Variants in LRIT3 observed in about 807,000 individuals in gnomAD.
The protein encoded by LRIT3 is leucine rich repeat, Ig-like and transmembrane domains 3.
A neutral mutation model predicts 22.6 loss-of-function variants in LRIT3; 14 were observed. That is an observed-to-expected ratio of 0.62 (90% CI 0.41 to 0.97). The LOEUF is 0.97. Among genes scored for constraint, LRIT3 ranks in the 50% least tolerant of loss-of-function variants. The probability of loss-of-function intolerance (pLI) is 0.00; values close to 1 mark genes in which losing one functional copy is unlikely to be tolerated. For synonymous variants in LRIT3, 306 were observed against 304.5 expected (o/e 1.01, Z -0.05); for missense variants, 783 against 803.0 (o/e 0.98, Z 0.30).
rs139536875 is a variant in LRIT3, at chr4:109,869,632, T to A, written c.896-13T>A. ...TTTTGTTCCTCACAGACTATACATT[T>A]GTTTTCTTCCAGTAATACAAGAATC... On this transcript the variant is annotated splice_polypyrimidine_tract_variant and intron_variant, in intron 3 of 3. Coordinates refer to ENST00000594814, the MANE Select transcript of LRIT3 (RefSeq NM_198506.5). The A allele has an allele frequency of 3.9e-6, 6 of 1,529,124 alleles. No individual in the cohort carries two copies. In the African/African-American group the frequency reaches 8.3e-5, roughly 21 times the overall value. 94.7% of individuals were successfully genotyped at this position (1,529,124 alleles called of 1,614,324 possible).
rs1251866042 is a variant in LRIT3, at chr4:109,850,422, CCTTT to C, written c.117-1021_117-1018del. Among the ~76,000 whole-genome samples the C allele has an allele frequency of 3.6e-4, 20 of 55,110 alleles. 1 individual carries two copies. The highest frequency in any genetic ancestry group is 8.5e-3 in the Middle Eastern group (1 of 118). 36.2% of individuals were successfully genotyped at this position (55,110 alleles called of 152,430 possible). ...TCCTTCCTTCCTTCCTTCCTTCCTT[CCTTT>C]CTTTCTTTCTTTCTTTCTTTCTTTC... On this transcript the variant is annotated intron_variant, in intron 1 of 3. Transcript: ENST00000594814.
In LRIT3 at chr4:109,864,948, C is replaced by T. The variant is rs559808335; in HGVS notation, c.590-2693C>T. Among the ~76,000 whole-genome samples, 3 of 152,292 alleles carry T rather than the reference C, an allele frequency of 2.0e-5. No homozygotes were observed. In the South Asian group the frequency reaches 6.2e-4, roughly 32 times the overall value. On this transcript the variant is annotated intron_variant, in intron 2 of 3. Coordinates refer to ENST00000594814, the MANE Select transcript of LRIT3 (RefSeq NM_198506.5). ...TTAAAAATAGCACTATTAGGAGAGT[C>T]TAGATCCACAGATTATCTTTAGCAC...
At position 109,869,686 on chromosome 4, in the gene LRIT3, A is replaced by G; in HGVS notation, c.937A>G (p.Met313Val). The G allele has an allele frequency of 6.3e-7, 1 of 1,589,394 alleles. No homozygotes were observed. The highest frequency in any genetic ancestry group is 8.6e-7 in the Non-Finnish European group (1 of 1,167,314). The change falls in exon 4 of 4, where the codon ATG becomes GTG. Residue 313 changes from methionine (M) to valine (V), a missense_variant. Physicochemically the swap from Met to Val is conservative, Grantham distance 21. This residue lies in a region of LRIT3 where 756 missense variants were observed against 753.8 expected (regional missense o/e 1.00). Transcript: ENST00000594814. ...SPEEGVRWSI[M>V]SLTGISSKDA... The stretch of plus-strand genomic sequence containing the variant: ...AGAGGAAGGAGTCAGATGGTCCATA[A>G]TGAGCTTGACAGGCATTTCTTCCAA...
intron 2 of LRIT3, among the ~76,000 whole-genome samples, chr4:109,856,273 C>A (rs1259758191): frequency 6.6e-6 from 1 of 152,162 alleles, no homozygotes; most frequent in East Asian, 1.9e-4. Flanking sequence ...TTCAGGGGGT[C>A]TCCCTACATC....
chr4:109,850,452 T>TTTCC (rs1734214604), intron 1 of LRIT3, among the ~76,000 whole-genome samples: 2 of 126,398 alleles, frequency 1.6e-5, no homozygotes, highest in Non-Finnish European at 3.3e-5. Context: ...TCTTTCTTTC[T>TTTCC]TTCTTTCTTT....
In LRIT3 at chr4:109,868,211, T is replaced by C. The variant is rs561998934; in HGVS notation, c.895+265T>C. On this transcript the variant is annotated intron_variant, in intron 3 of 3. Transcript: ENST00000594814. The stretch of plus-strand genomic sequence containing the variant: ...ATGGATCAATGGCAGACAAGGTCTT[T>C]GTCTTGCTTCATCAACTTGGATACA... Among the ~76,000 whole-genome samples, 3 of 152,330 alleles carry C rather than the reference T, an allele frequency of 2.0e-5. No individual in the cohort carries two copies. The East Asian group carries it at 5.8e-4, about 29-fold the overall frequency.
rs1734789496 is a variant in LRIT3 at position 109,870,090 on chromosome 4, T to C, written c.1341T>C (p.Gly447=). Residue 447 remains glycine (G), a synonymous_variant, in exon 4 of 4, where the codon GGT becomes GGC. Coordinates refer to ENST00000594814, the MANE Select transcript of LRIT3 (RefSeq NM_198506.5). ...ANKRSFQLHQ[G]GKRNLKVAKN... Reference sequence around the variant, plus strand: ...AGCGATCATTCCAGCTCCACCAAGGTGGGAAAAGAAATTTAAAGGTGGCAA... The same window carrying C: ...AGCGATCATTCCAGCTCCACCAAGGCGGGAAAAGAAATTTAAAGGTGGCAA... 10 of 1,613,706 alleles carry C rather than the reference T, an allele frequency of 6.2e-6. No homozygotes were observed. The East Asian group carries it at 2.2e-4, about 36-fold the overall frequency.
At chr4:109,849,973 T>C (rs1179006877) in intron 1 of LRIT3, among the ~76,000 whole-genome samples, 1 of 152,184 alleles carries the variant, frequency 6.6e-6, no homozygotes, top group Non-Finnish European at 1.5e-5. Flanking sequence ...CTGAAATCTG[T>C]GATATAAAAT....
At position 109,851,845 on chromosome 4, in the gene LRIT3, A is replaced by G. The variant is rs1260029009; in HGVS notation, c.458A>G (p.Lys153Arg). 7 of 1,551,606 alleles carry G rather than the reference A, an allele frequency of 4.5e-6. No individual in the cohort carries two copies. The East Asian group carries it at 1.2e-4, about 27-fold the overall frequency. Residue 153 changes from lysine to arginine, a missense_variant, in exon 2 of 4, where the codon AAG (lysine) becomes AGG (arginine). This residue lies in a region of LRIT3 where 756 missense variants were observed against 753.8 expected (regional missense o/e 1.00). Coordinates refer to ENST00000594814, the MANE Select transcript of LRIT3 (RefSeq NM_198506.5). ...SVPNEALRYL[K>R]NLAYLDLSSN... The stretch of plus-strand genomic sequence containing the variant: ...CCAAATGAGGCGCTCAGGTATCTGA[A>G]GAACCTTGCCTACTTGGATTTATCA...
chr4:109,853,251 C>G (rs546769759), intron 2 of LRIT3, among the ~76,000 whole-genome samples: 2 of 152,160 alleles, frequency 1.3e-5, no homozygotes, highest in Admixed American at 1.3e-4. Context: ...TCTGTTGTTT[C>G]CTGACTTTTT....
At chr4:109,858,046 G>A (rs1416194334) in intron 2 of LRIT3, among the ~76,000 whole-genome samples, 1 of 152,064 alleles carries the variant, frequency 6.6e-6, no homozygotes, top group Non-Finnish European at 1.5e-5. Context: ...GCACAAAGGT[G>A]GATACCTAAA....
At chr4:109,850,405 T>TTC (rs1734193257) in intron 1 of LRIT3, among the ~76,000 whole-genome samples, 1 of 4,186 alleles carries the variant, frequency 2.4e-4, no homozygotes, top group African/African-American at 7.2e-4. Context: ...CTTCCTTCCT[T>TTC]CCTTCCTTCC....
intron 1 of LRIT3, among the ~76,000 whole-genome samples, chr4:109,850,422 C>T (rs75623052): frequency 0.31 from 17,043 of 54,858 alleles, 4,355 homozygotes; most frequent in Middle Eastern, 0.45. Context: ...TTCCTTCCTT[C>T]CTTTCTTTCT....
At chr4:109,863,018 G>A (rs192804836) in intron 2 of LRIT3, among the ~76,000 whole-genome samples, 34 of 152,118 alleles carry the variant, frequency 2.2e-4, no homozygotes, top group South Asian at 1.0e-3. Flanking sequence ...AAATAATAGC[G>A]CTTATGACTG....
chr4:109,860,753 A>G (rs989477759), intron 2 of LRIT3, among the ~76,000 whole-genome samples: 6 of 152,198 alleles, frequency 3.9e-5, no homozygotes, highest in African/African-American at 1.4e-4. Context: ...CTATAGGTTA[A>G]TTGTGCCTGC....
In LRIT3 at chr4:109,867,993, T is replaced by C. The variant is rs1412067953; in HGVS notation, c.895+47T>C. On this transcript the variant is annotated intron_variant, in intron 3 of 3. Coordinates refer to ENST00000594814, the MANE Select transcript of LRIT3 (RefSeq NM_198506.5). ...ATGATCAAAGGAGTTTACTAAGCTT[T>C]GAAGTTAACATCATGTGTTGTGTGA... 1.9e-6 allele frequency: 3 copies of C among 1,542,216 alleles called. No individual in the cohort carries two copies. The African/African-American group carries it at 4.1e-5, about 21-fold the overall frequency.
At chr4:109,858,450 T>C (rs974211892) in intron 2 of LRIT3, among the ~76,000 whole-genome samples, 1 of 152,164 alleles carries the variant, frequency 6.6e-6, no homozygotes, top group African/African-American at 2.4e-5. Context: ...CTCTGTCTCG[T>C]TGTTGCATGC....
chr4:109,851,369 C>A (rs1734250768), intron 1 of LRIT3, 135 bp from the exon 2 acceptor site: 25 of 1,244,788 alleles, frequency 2.0e-5, no homozygotes, highest in Non-Finnish European at 2.4e-5. Flanking sequence ...CCCTCCTCGG[C>A]CTCCCAAAGT....
At chr4:109,849,677 A>G (rs2125896286) in intron 1 of LRIT3, among the ~76,000 whole-genome samples, 1 of 152,372 alleles carries the variant, frequency 6.6e-6, no homozygotes, top group South Asian at 2.1e-4. Context: ...CAGTGGCACA[A>G]TCTCGGCTCA....
Sources: gnomAD v4.1 joint callset for allele counts (sites outside exome capture counted in the v4.1 genomes callset) on GRCh38, gnomAD v4.1.1 for gene constraint, gnomAD v4.1.1 regional missense constraint, MANE v1.5 for transcripts, NCBI Gene and HGNC (gene_info 2026-07-23, HGNC 2026-07-21) for gene names.